The following DAB1 variants were observed in gnomAD, a reference collection of about 807,000 sequenced individuals.
The protein encoded by DAB1 is disabled homolog 1.
In DAB1, 15 loss-of-function variants were observed where a neutral mutation model predicts 64.6. The ratio of observed to expected loss-of-function variants is 0.23; its 90% CI spans 0.16 to 0.36. The LOEUF (loss-of-function observed/expected upper bound fraction) is 0.36. Among genes scored for constraint, DAB1 ranks in the 10% least tolerant of loss-of-function variants. DAB1 has a pLI of 1.00. For missense variants in DAB1, 596 were observed against 706.7 expected (o/e 0.84, Z 1.78); for synonymous variants, 235 against 251.9 (o/e 0.93, Z 0.64).
At chr1:57,471,541 A>T (rs970463799) in intron 7 of DAB1, among the ~76,000 whole-genome samples, 2 of 152,194 alleles carry the variant, frequency 1.3e-5, no homozygotes, top group Non-Finnish European at 2.9e-5. Context: ...GTAGGAGGTA[A>T]TTGAATCATG....
chr1:57,142,804 A>G (rs1308774453), intron 3 of DAB1, among the ~76,000 whole-genome samples: 1 of 152,088 alleles, frequency 6.6e-6, no homozygotes, highest in Non-Finnish European at 1.5e-5. Context: ...ATCCTGGTGA[A>G]TGGTCATCTC....
chr1:58,282,432 T>C (rs987796987), intron 4 of DAB1, among the ~76,000 whole-genome samples: 1 of 152,232 alleles, frequency 6.6e-6, no homozygotes, highest in Non-Finnish European at 1.5e-5. Context: ...CCTTTCCCTA[T>C]GCCCTCTCAT....
intron 2 of DAB1, among the ~76,000 whole-genome samples, chr1:57,279,617 C>T (rs1220828302): frequency 6.6e-6 from 1 of 152,228 alleles, no homozygotes; most frequent in Non-Finnish European, 1.5e-5. Context: ...AGATGGAAAA[C>T]ACACACAGTT....
At chr1:58,090,750 GAC>G (rs764936816) in intron 5 of DAB1, among the ~76,000 whole-genome samples, 9 of 152,120 alleles carry the variant, frequency 5.9e-5, no homozygotes, top group Admixed American at 5.2e-4. Flanking sequence ...CAACAAATCA[GAC>G]ACAGCCCAGT....
intron 1 of DAB1, among the ~76,000 whole-genome samples, chr1:57,360,651 T>C (rs1038329486): frequency 1.3e-5 from 2 of 152,144 alleles, no homozygotes; most frequent in African/African-American, 4.8e-5. Context: ...TTGGAGTCTA[T>C]TTTCTACCAT....
chr1:57,930,664 T>A (rs954298528), intron 5 of DAB1, among the ~76,000 whole-genome samples: 18 of 152,232 alleles, frequency 1.2e-4, no homozygotes, highest in African/African-American at 4.3e-4. Flanking sequence ...TCAAATTCTG[T>A]TTGTTCACTG....
chr1:58,030,515 T>C (rs1179264938), intron 5 of DAB1, among the ~76,000 whole-genome samples: 1 of 152,202 alleles, frequency 6.6e-6, no homozygotes, highest in Non-Finnish European at 1.5e-5. Context: ...AGCCTGTTCA[T>C]CTAACCGGTC....
chr1:57,767,363 G>A (rs558507652), intron 6 of DAB1, among the ~76,000 whole-genome samples: 2 of 152,272 alleles, frequency 1.3e-5, no homozygotes, highest in East Asian at 3.9e-4. Context: ...AGTTTTAGGA[G>A]CTGTATGCCA....
At chr1:58,067,673 G>A (rs906489902) in intron 5 of DAB1, among the ~76,000 whole-genome samples, 2 of 152,144 alleles carry the variant, frequency 1.3e-5, no homozygotes, top group East Asian at 3.9e-4. Context: ...AAGTACAGGA[G>A]ATACAGTCTA....
chr1:58,210,817 C>A (rs1658516925), intron 4 of DAB1, among the ~76,000 whole-genome samples: 1 of 152,048 alleles, frequency 6.6e-6, no homozygotes, highest in Non-Finnish European at 1.5e-5. Context: ...GACTCATGAC[C>A]AAGTACTTAA....
chr1:57,000,607 CTTTATTGTGTGTTTGTGT>C, intron 14 of DAB1, among the ~76,000 whole-genome samples: 2 of 152,288 alleles, frequency 1.3e-5, no homozygotes, highest in South Asian at 4.2e-4. Flanking sequence ...AAACATGTAA[CTTTATTGTGTGTTTGTGT>C]TCTACAAGTG....
At chr1:58,313,856 TGAGAGA>T (rs3055509) in intron 4 of DAB1, among the ~76,000 whole-genome samples, 2 of 112,172 alleles carry the variant, frequency 1.8e-5, no homozygotes, top group African/African-American at 6.6e-5. Context: ...TGTGTGTGTG[TGAGAGA>T]GAGAGAGAGA....
intron 5 of DAB1, among the ~76,000 whole-genome samples, chr1:58,072,086 G>A (rs946556792): frequency 3.1e-5 from 1 of 32,576 alleles, no homozygotes; most frequent in South Asian, 7.1e-4. Flanking sequence ...TTGGTGGGGT[G>A]GGGGGGGGTG....
chr1:57,102,240 G>A (rs573111521), intron 4 of DAB1, among the ~76,000 whole-genome samples: 1 of 152,218 alleles, frequency 6.6e-6, no homozygotes, highest in South Asian at 2.1e-4. Context: ...CTTTCTCTGA[G>A]CCATCACAAA....
chr1:57,775,822 T>C (rs181845271), intron 6 of DAB1, among the ~76,000 whole-genome samples: 127 of 151,812 alleles, frequency 8.4e-4, no homozygotes, highest in Middle Eastern at 3.4e-3. Context: ...AATTTAACGG[T>C]AATCTTGTTA....
intron 6 of DAB1, among the ~76,000 whole-genome samples, chr1:57,788,659 C>A (rs2101854720): frequency 6.6e-6 from 1 of 152,280 alleles, no homozygotes; most frequent in African/African-American, 2.4e-5. Context: ...CAGGCAGACC[C>A]AGTTTGGACG....
At chr1:57,870,922 T>C (rs374932685) in intron 1 of DAB1, among the ~76,000 whole-genome samples, 101 of 152,274 alleles carry the variant, frequency 6.6e-4, no homozygotes, top group African/African-American at 2.1e-3. Flanking sequence ...GCAAGGAGAA[T>C]TTATCAATTG....
intron 2 of DAB1, among the ~76,000 whole-genome samples, chr1:58,523,637 C>A (rs570770609): frequency 6.6e-6 from 1 of 152,208 alleles, no homozygotes; most frequent in African/African-American, 2.4e-5. Context: ...CAGTGGCTCA[C>A]ACCTGTAATC....
intron 5 of DAB1, among the ~76,000 whole-genome samples, chr1:58,031,998 G>C (rs1391081542): frequency 2.1e-5 from 1 of 46,618 alleles, no homozygotes; most frequent in Non-Finnish European, 5.4e-5. Flanking sequence ...ACGTGTGTGT[G>C]TGTGTGTGTG....
Sources: allele counts gnomAD v4.1 joint callset (sites outside exome capture counted in the v4.1 genomes callset), GRCh38; gene constraint gnomAD v4.1.1; transcripts MANE v1.5; gene names NCBI Gene and HGNC (gene_info 2026-07-23, HGNC 2026-07-21).